PISD: variants seen among roughly 807,000 people sequenced by gnomAD.
PISD encodes the protein phosphatidylserine decarboxylase.
In PISD, 31 loss-of-function variants were observed where a neutral mutation model predicts 43.5. That is an observed-to-expected ratio of 0.71 (90% CI 0.54 to 0.96). The LOEUF is 0.96. Ranked by LOEUF, PISD falls within the 40% of genes least tolerant of loss-of-function variation. The pLI is 0.00. For missense variants in PISD, 523 were observed against 548.4 expected, an observed-to-expected ratio of 0.95 and a Z score of 0.46; for synonymous variants, 259 against 228.7, an observed-to-expected ratio of 1.13 and a Z score of -1.20.
chr22:31,643,651 T>C (rs1029523455), intron 3 of PISD, among the ~76,000 whole-genome samples: 42 of 152,218 alleles, frequency 2.8e-4, no homozygotes, highest in African/African-American at 1.0e-3. Flanking sequence ...GGCTCATGCC[T>C]GTAATTCTAG....
chr22:31,627,411 T>TCCG (rs1387171864), intron 3 of PISD, among the ~76,000 whole-genome samples: 1 of 152,200 alleles, frequency 6.6e-6, no homozygotes, highest in Non-Finnish European at 1.5e-5. Context: ...TGTCCAGGCC[T>TCCG]CCAGGGCCAT....
At chr22:31,637,941 A>G (rs2073561757) in intron 3 of PISD, among the ~76,000 whole-genome samples, 1 of 152,174 alleles carries the variant, frequency 6.6e-6, no homozygotes, top group Non-Finnish European at 1.5e-5. Flanking sequence ...AGGAAGGAGG[A>G]TCCATGTGCT....
intron 3 of PISD, among the ~76,000 whole-genome samples, chr22:31,624,909 C>G (rs112709944): frequency 3.9e-5 from 6 of 152,108 alleles, no homozygotes; most frequent in Admixed American, 3.9e-4. Context: ...TGGCCTCCTG[C>G]GCCTAAACAA....
chr22:31,662,198 G>A lies in PISD; in HGVS notation c.11C>T (p.Ser4Phe). Residue 4 changes from serine (S) to phenylalanine (F), a missense_variant, in exon 1 of 8, where the codon TCC (serine) becomes TTC (phenylalanine). Physicochemically the swap from Ser to Phe is radical, Grantham distance 155. Transcript: ENST00000439502. MAT[S>F]VGHRCLGLLH... is the part of the protein sequence containing the mutation. ...TAATCCCAGACATCGGTGCCCCACG[G>A]ACGTCGCCATCTTGTCTGCTCCTTC... 1.2e-6 allele frequency: 2 copies of A among 1,604,494 alleles called. No individual in the cohort carries two copies. The highest frequency in any genetic ancestry group is 1.3e-5 in the African/African-American group (1 of 75,070).
rs2072895532 is a variant in PISD at position 31,626,121 on chromosome 22, C to T, written c.322-4236G>A. On this transcript the variant is annotated intron_variant, in intron 3 of 7. Coordinates refer to ENST00000439502, the MANE Select transcript of PISD (RefSeq NM_001326411.2). The stretch of plus-strand genomic sequence containing the variant: ...TGCACTAAAGCCCACTGTCCCCAGT[C>T]CTGGCCACCTGCTCTGTCCCTGCTA... 4 of 1,071,534 alleles carry T rather than the reference C, an allele frequency of 3.7e-6. No homozygotes were observed. In the East Asian group the frequency reaches 1.3e-4, roughly 36 times the overall value. The allele number at this position is 1,071,534 out of a possible 1,614,324, so 66.4% of individuals were successfully genotyped here.
intron 3 of PISD, chr22:31,625,939 C>G: frequency 1.3e-6 from 2 of 1,503,440 alleles, no homozygotes; most frequent in Non-Finnish European, 1.8e-6. Context: ...TCTGCCTCTG[C>G]GAGGCTGGTT....
rs535021873 is a variant in PISD at position 31,660,489 on chromosome 22, C to A, written c.65+1655G>T. On this transcript the variant is annotated intron_variant, in intron 1 of 7. Transcript: ENST00000439502. ...GCAACATGGTGAAACCCTGTCTCCACCCCCACCCCCAAAAAAAATGCAGCT... is the reference window on the plus strand; with the variant it reads ...GCAACATGGTGAAACCCTGTCTCCAACCCCACCCCCAAAAAAAATGCAGCT... 2.3e-4 allele frequency among the ~76,000 whole-genome samples: 35 copies of A among 152,124 alleles called. No individual in the cohort carries two copies. The East Asian group carries it at 6.8e-3, about 29-fold the overall frequency.
chr22:31,619,410 A>G lies in PISD; in HGVS notation c.*202T>C. 1.5e-6 allele frequency: 1 copy of G among 672,388 alleles called. No homozygotes were observed. 41.7% of individuals were successfully genotyped at this position (672,388 alleles called of 1,614,324 possible). On this transcript the variant is annotated 3_prime_UTR_variant, in exon 8 of 8. Coordinates refer to ENST00000439502, the MANE Select transcript of PISD (RefSeq NM_001326411.2). ...TAGGCAGAAGGAACGGGATAGGTTGAGGGGCATGATGGGGGCTCTCGCCAC... is the reference window on the plus strand; with the variant it reads ...TAGGCAGAAGGAACGGGATAGGTTGGGGGGCATGATGGGGGCTCTCGCCAC...
intron 1 of PISD, among the ~76,000 whole-genome samples, chr22:31,660,651 C>G (rs889839648): frequency 1.3e-5 from 2 of 152,204 alleles, no homozygotes; most frequent in African/African-American, 4.8e-5. Context: ...GAGTGAGGCT[C>G]TGACTTCCAA....
At chr22:31,651,078 C>T (rs1309334010) in intron 1 of PISD, among the ~76,000 whole-genome samples, 1 of 152,282 alleles carries the variant, frequency 6.6e-6, no homozygotes, top group South Asian at 2.1e-4. Context: ...ATTCTTCTGC[C>T]TCAGCCTCCC....
At chr22:31,627,107 C>T (rs886241745) in intron 3 of PISD, among the ~76,000 whole-genome samples, 9 of 152,386 alleles carry the variant, frequency 5.9e-5, no homozygotes, top group Admixed American at 3.3e-4. Context: ...ATCACCGAAG[C>T]CCCGGGTATG....
At chr22:31,659,538 A>G (rs1304603477) in intron 1 of PISD, among the ~76,000 whole-genome samples, 1 of 152,010 alleles carries the variant, frequency 6.6e-6, no homozygotes, top group African/African-American at 2.4e-5. Context: ...CAGTTGCCAG[A>G]GCCCCAACTT....
At chr22:31,657,259 C>T (rs544399679) in intron 1 of PISD, among the ~76,000 whole-genome samples, 6 of 151,942 alleles carry the variant, frequency 3.9e-5, no homozygotes, top group Admixed American at 3.9e-4. Flanking sequence ...CCTCAGCCTC[C>T]CGAGTAGCTG....
chr22:31,633,882 G>GA (rs1028745508), intron 3 of PISD, among the ~76,000 whole-genome samples: 2 of 151,948 alleles, frequency 1.3e-5, no homozygotes, highest in African/African-American at 4.8e-5. Flanking sequence ...TTCCATTAGG[G>GA]AAAAAAAATT....
chr22:31,654,710 G>T (rs2074119008), intron 1 of PISD, among the ~76,000 whole-genome samples: 1 of 152,110 alleles, frequency 6.6e-6, no homozygotes, highest in African/African-American at 2.4e-5. Context: ...GGCTTCCCAG[G>T]CATTCACCTC....
intron 5 of PISD, 45 bp from the exon 6 acceptor site, chr22:31,621,187 C>A (rs2072546328): frequency 1.2e-6 from 2 of 1,613,536 alleles, no homozygotes. Context: ...ACAGTGAGCA[C>A]CCAGCACGGA....
chr22:31,619,034 C>A lies in PISD; in HGVS notation c.*578G>T. On this transcript the variant is annotated 3_prime_UTR_variant, in exon 8 of 8. Transcript: ENST00000439502. ...GTCCTCAGAAGACACTAGCAGAGTC[C>A]AGGGTGATGCGTTCAGCCACAAGCA... The A allele has an allele frequency of 4.6e-6, 1 of 215,274 alleles. No homozygotes were observed. The highest frequency in any genetic ancestry group is 6.6e-5 in the South Asian group (1 of 15,038). 13.3% of individuals were successfully genotyped at this position (215,274 alleles called of 1,614,324 possible).
chr22:31,659,468 C>T (rs1181818879), intron 1 of PISD, among the ~76,000 whole-genome samples: 2 of 152,184 alleles, frequency 1.3e-5, no homozygotes, highest in Non-Finnish European at 2.9e-5. Flanking sequence ...GCACGAGAAG[C>T]TACTTCCTAG....
chr22:31,662,363 C>A, upstream of PISD: 1 of 713,188 alleles, frequency 1.4e-6, no homozygotes, highest in East Asian at 2.6e-5. Flanking sequence ...CCACCTAACC[C>A]GCTTGGCACC....
Sources: allele counts gnomAD v4.1 joint callset (sites outside exome capture counted in the v4.1 genomes callset), GRCh38; gene constraint gnomAD v4.1.1; transcripts MANE v1.5; gene names NCBI Gene and HGNC (gene_info 2026-07-23, HGNC 2026-07-21).